The following TBC1D5 variants were observed in gnomAD, a reference collection of about 807,000 sequenced individuals.
TBC1D5 encodes the protein TBC1 domain family, member 5.
A neutral mutation model predicts 100.3 loss-of-function variants in TBC1D5; 75 were observed. That is an observed-to-expected ratio of 0.75 (90% CI 0.62 to 0.91). The LOEUF is 0.91. TBC1D5 is among the 40% of genes least tolerant of loss of function. The pLI, the probability that TBC1D5 is intolerant of heterozygous loss-of-function variation, is 0.00. For missense variants in TBC1D5, 910 were observed against 942.4 expected (o/e 0.97, Z 0.45); for synonymous variants, 323 against 325.6 (o/e 0.99, Z 0.09).
chr3:17,494,433 C>T (rs561796373), intron 3 of TBC1D5, among the ~76,000 whole-genome samples: 1 of 152,340 alleles, frequency 6.6e-6, no homozygotes, highest in East Asian at 1.9e-4. Context: ...CTGGCTGCCC[C>T]TTGGTGGAGT....
At chr3:17,652,679 C>T (rs1034880793) in intron 1 of TBC1D5, among the ~76,000 whole-genome samples, 1 of 152,132 alleles carries the variant, frequency 6.6e-6, no homozygotes, top group African/African-American at 2.4e-5. Context: ...GGTTTTAAAA[C>T]ATAACTCACT....
intron 1 of TBC1D5, among the ~76,000 whole-genome samples, chr3:17,669,302 T>A (rs2067655464): frequency 6.6e-6 from 1 of 152,186 alleles, no homozygotes; most frequent in South Asian, 2.1e-4. Context: ...TTAAACCTCT[T>A]TCCCTTATAA....
chr3:17,649,635 A>G (rs923391195), intron 1 of TBC1D5, among the ~76,000 whole-genome samples: 1 of 152,288 alleles, frequency 6.6e-6, no homozygotes, highest in East Asian at 1.9e-4. Flanking sequence ...TTAAAAAGTC[A>G]GGAAACAACA....
intron 19 of TBC1D5, among the ~76,000 whole-genome samples, chr3:17,168,128 C>T (rs114726965): frequency 2.8e-4 from 42 of 152,300 alleles, no homozygotes; most frequent in African/African-American, 1.0e-3. Context: ...ATGTGGCTGA[C>T]AGCCTGGGCC....
chr3:17,617,703 G>C (rs1004645567), intron 2 of TBC1D5, among the ~76,000 whole-genome samples: 2 of 152,114 alleles, frequency 1.3e-5, no homozygotes, highest in Non-Finnish European at 2.9e-5. Context: ...ATTGAAGCTT[G>C]TGCGTGCATC....
chr3:17,455,277 T>A (rs1243168352), intron 3 of TBC1D5, among the ~76,000 whole-genome samples: 3 of 146,456 alleles, frequency 2.0e-5, no homozygotes, highest in African/African-American at 7.5e-5. Context: ...TACATATATG[T>A]GTGTATATAT....
intron 1 of TBC1D5, among the ~76,000 whole-genome samples, chr3:17,691,372 C>A (rs1168574135): frequency 6.6e-6 from 1 of 152,200 alleles, no homozygotes; most frequent in Admixed American, 6.5e-5. Flanking sequence ...ACTGTAACCA[C>A]AAAGTGGCCT....
chr3:17,430,454 T>C (rs1451901800), intron 3 of TBC1D5, among the ~76,000 whole-genome samples: 1 of 151,788 alleles, frequency 6.6e-6, no homozygotes, highest in African/African-American at 2.4e-5. Context: ...AATTTAAAAC[T>C]GTTTCCAAAT....
chr3:17,577,814 T>C (rs911551119), intron 2 of TBC1D5, among the ~76,000 whole-genome samples: 19 of 152,136 alleles, frequency 1.2e-4, no homozygotes, highest in Admixed American at 1.2e-3. Flanking sequence ...GCAATTAATA[T>C]GAAATTCTAA....
intron 18 of TBC1D5, among the ~76,000 whole-genome samples, chr3:17,191,109 G>A (rs953490593): frequency 6.6e-6 from 1 of 152,170 alleles, no homozygotes; most frequent in African/African-American, 2.4e-5. Flanking sequence ...CTTTTTAAGA[G>A]TATTAAAATA....
At chr3:17,311,920 T>C (rs1043487661) in intron 13 of TBC1D5, among the ~76,000 whole-genome samples, 1 of 152,094 alleles carries the variant, frequency 6.6e-6, no homozygotes, top group Non-Finnish European at 1.5e-5. Flanking sequence ...TTCTGTTCAC[T>C]TGTATTTTTA....
intron 1 of TBC1D5, among the ~76,000 whole-genome samples, chr3:17,714,076 G>C (rs928360632): frequency 2.0e-5 from 3 of 152,104 alleles, no homozygotes; most frequent in African/African-American, 7.2e-5. Flanking sequence ...TCTTCCCTGT[G>C]TGTCTTCCCT....
intron 13 of TBC1D5, among the ~76,000 whole-genome samples, chr3:17,336,598 C>T (rs1331385129): frequency 1.3e-5 from 2 of 151,850 alleles, no homozygotes; most frequent in Non-Finnish European, 2.9e-5. Flanking sequence ...GAAAGGGTGG[C>T]ACCCACGTCA....
intron 1 of TBC1D5, among the ~76,000 whole-genome samples, chr3:17,710,833 G>T (rs2074655741): frequency 1.3e-5 from 2 of 151,904 alleles, no homozygotes; most frequent in African/African-American, 4.8e-5. Flanking sequence ...GAGTAGCTAG[G>T]ATTACAGGCA....
chr3:17,677,549 G>A lies in TBC1D5; in HGVS notation c.-100-53636C>T, dbSNP rs546808879. Among the ~76,000 whole-genome samples the A allele has an allele frequency of 7.9e-5, 12 of 152,304 alleles. No individual in the cohort carries two copies. The South Asian group carries it at 2.3e-3, about 29-fold the overall frequency. ...AGGAACACTTTTACACTGTTGGTGG[G>A]ACTGTAAACTAGTTCAGCCAAAGTG... On this transcript the variant is annotated intron_variant, in intron 1 of 21. Transcript: ENST00000253692.
chr3:17,335,777 T>C (rs2087661521), intron 13 of TBC1D5, among the ~76,000 whole-genome samples: 1 of 152,132 alleles, frequency 6.6e-6, no homozygotes, highest in African/African-American at 2.4e-5. Context: ...ATTCAAGTGA[T>C]GAATTCCCTT....
At chr3:17,402,520 C>G (rs1331983252) in intron 8 of TBC1D5, among the ~76,000 whole-genome samples, 1 of 152,068 alleles carries the variant, frequency 6.6e-6, no homozygotes, top group Non-Finnish European at 1.5e-5. Context: ...CTATTATCCC[C>G]ATTTAACACA....
chr3:17,391,463 CATA>C (rs2093349176), intron 8 of TBC1D5, among the ~76,000 whole-genome samples: 1 of 151,878 alleles, frequency 6.6e-6, no homozygotes, highest in Non-Finnish European at 1.5e-5. Flanking sequence ...GCAACCATGA[CATA>C]ATAATTAATT....
chr3:17,491,442 T>C (rs2095638835), intron 3 of TBC1D5, among the ~76,000 whole-genome samples: 1 of 152,186 alleles, frequency 6.6e-6, no homozygotes, highest in African/African-American at 2.4e-5. Flanking sequence ...ATATTGGCAG[T>C]GGGTGTGTCA....
Sources: gnomAD v4.1 joint callset for allele counts (sites outside exome capture counted in the v4.1 genomes callset) on GRCh38, gnomAD v4.1.1 for gene constraint, MANE v1.5 for transcripts, NCBI Gene and HGNC (gene_info 2026-07-23, HGNC 2026-07-21) for gene names.